The following UGT3A2 variants were observed in gnomAD, a reference collection of about 807,000 sequenced individuals.
The protein encoded by UGT3A2 is UDP-glycosyltransferase 3A2.
Under a neutral mutation model 39.8 loss-of-function variants are expected in UGT3A2, and 32 were observed. That is an observed-to-expected ratio of 0.80 (90% CI 0.61 to 1.08). UGT3A2 has a LOEUF of 1.08. UGT3A2 is among the 50% of genes least tolerant of loss of function. The pLI, the probability that UGT3A2 is intolerant of heterozygous loss-of-function variation, is 0.00. For synonymous variants in UGT3A2, 241 were observed against 230.7 expected (o/e 1.04, Z -0.40); for missense variants, 611 against 637.1 (o/e 0.96, Z 0.44).
intron 4 of UGT3A2, among the ~76,000 whole-genome samples, chr5:36,040,683 G>A (rs375000306): frequency 2.0e-5 from 3 of 152,218 alleles, no homozygotes; most frequent in Non-Finnish European, 2.9e-5. Context: ...CACCTCAGCA[G>A]TAGGAACCTC....
At chr5:36,058,383 G>A (rs1455687618) in intron 2 of UGT3A2, among the ~76,000 whole-genome samples, 1 of 152,202 alleles carries the variant, frequency 6.6e-6, no homozygotes, top group African/African-American at 2.4e-5. Flanking sequence ...ATGGGGCGTT[G>A]TTGGAGGCCA....
chr5:36,055,036 G>T (rs1469177790), intron 2 of UGT3A2, among the ~76,000 whole-genome samples: 1 of 151,962 alleles, frequency 6.6e-6, no homozygotes, highest in African/African-American at 2.4e-5. Flanking sequence ...GGTACCGGGA[G>T]GCTGAGGCAG....
At position 36,035,866 on chromosome 5, in the gene UGT3A2, C is replaced by G; in HGVS notation, c.1404G>C (p.Ala468=). The change falls in exon 7 of 7, where the codon GCG becomes GCC. Residue 468 remains alanine (A), a synonymous_variant. Coordinates refer to ENST00000282507, the MANE Select transcript of UGT3A2 (RefSeq NM_174914.4). ...GAAAGACATAGGGCTTGAGGTGCGT[C>G]GCGCCCCCTGTCTGGAGGACGTGGT... is the stretch of plus-strand genomic sequence containing the variant. The part of the protein sequence containing the change: ...WIDHVLQTGG[A]THLKPYVFQQ... 1 of 1,614,148 alleles carries G rather than the reference C, an allele frequency of 6.2e-7. No homozygotes were observed. The highest frequency in any genetic ancestry group is 8.5e-7 in the Non-Finnish European group (1 of 1,180,028).
Position 36,049,210 on chromosome 5 carries a change from T to A in UGT3A2, c.522A>T (p.Glu174Asp). Residue 174 changes from glutamate to aspartate, a missense_variant, in exon 4 of 7, where the codon GAA becomes GAT. Coordinates refer to ENST00000282507, the MANE Select transcript of UGT3A2 (RefSeq NM_174914.4). ...AAGACAAGGGGATTGGTAGCCCAAA[T>A]TCCAAAGAGCCGAATGAAGTGGAAA... is the stretch of plus-strand genomic sequence containing the variant. ...AILSTSFGSL[E>D]FGLPIPLSYV... The A allele has an allele frequency of 6.2e-7, 1 of 1,614,110 alleles. No individual in the cohort carries two copies. Among genetic ancestry groups the A allele is most frequent in the Non-Finnish European group, 8.5e-7 (1 of 1,180,014 alleles).
intron 3 of UGT3A2, among the ~76,000 whole-genome samples, chr5:36,050,870 A>AC (rs1468871566): frequency 4.6e-5 from 7 of 152,086 alleles, no homozygotes; most frequent in Non-Finnish European, 8.8e-5. Flanking sequence ...CTCAAAAAAA[A>AC]AAAAGCCAGT....
At chr5:36,060,788 A>T (rs929187734) in intron 2 of UGT3A2, among the ~76,000 whole-genome samples, 6 of 152,208 alleles carry the variant, frequency 3.9e-5, no homozygotes, top group African/African-American at 1.4e-4. Context: ...CCACTTCACG[A>T]TGATGAAAAA....
At chr5:36,064,145 A>C (rs766892840) in intron 2 of UGT3A2, 104 bp downstream of exon 2, 7 of 1,054,928 alleles carry the variant, frequency 6.6e-6, no homozygotes, top group Non-Finnish European at 9.6e-6. Context: ...CATCCTTCCA[A>C]TTGAATTAGA....
intron 2 of UGT3A2, among the ~76,000 whole-genome samples, chr5:36,053,791 G>A (rs1322775445): frequency 2.0e-5 from 3 of 152,314 alleles, no homozygotes; most frequent in Non-Finnish European, 4.4e-5. Context: ...TCTGGGGAAC[G>A]ATCCATTTTC....
chr5:36,051,396 T>C (rs930957659), intron 3 of UGT3A2, among the ~76,000 whole-genome samples: 11 of 152,142 alleles, frequency 7.2e-5, no homozygotes, highest in African/African-American at 2.4e-4. Flanking sequence ...ACAAACCCAA[T>C]GTTCATAAGC....
At chr5:36,038,878 G>C (rs1225583359) in intron 5 of UGT3A2, among the ~76,000 whole-genome samples, 1 of 152,202 alleles carries the variant, frequency 6.6e-6, no homozygotes, top group Non-Finnish European at 1.5e-5. Context: ...GGGTGAGGGA[G>C]CTCTCTGGTC....
intron 4 of UGT3A2, among the ~76,000 whole-genome samples, chr5:36,046,805 A>G (rs776257386): frequency 6.6e-6 from 1 of 152,214 alleles, no homozygotes; most frequent in Non-Finnish European, 1.5e-5. Context: ...GATGTGGTGG[A>G]TTAAAAAAAT....
At chr5:36,048,851 T>G in intron 4 of UGT3A2, 38 bp downstream of exon 4, 1 of 1,595,608 alleles carries the variant, frequency 6.3e-7, no homozygotes, top group Non-Finnish European at 8.5e-7. Flanking sequence ...TGAAGGCCTC[T>G]GCGTGAATCC....
chr5:36,059,361 CTT>C lies in UGT3A2; in HGVS notation c.196+4886_196+4887del, dbSNP rs35872759. Among the ~76,000 whole-genome samples the C allele has an allele frequency of 2.8e-3, 338 of 118,698 alleles. 1 individual carries two copies. Among genetic ancestry groups the C allele is most frequent in the East Asian group, 6.5e-3 (26 of 4,004 alleles). 77.9% of individuals were successfully genotyped at this position (118,698 alleles called of 152,430 possible). ...GGAAGAATTTGGTTATTTCTTTTCT[CTT>C]TTTTTTTTTTTTTTTTTGGAGTTTG... On this transcript the variant is annotated intron_variant, in intron 2 of 6. Transcript: ENST00000282507.
At chr5:36,056,148 G>T (rs932881041) in intron 2 of UGT3A2, among the ~76,000 whole-genome samples, 1 of 152,168 alleles carries the variant, frequency 6.6e-6, no homozygotes, top group African/African-American at 2.4e-5. Flanking sequence ...GGGTGGCCTT[G>T]GGCTGACCCT....
At chr5:36,039,768 C>A (rs1741949324) in intron 4 of UGT3A2, 60 bp from the exon 5 acceptor site, 7 of 1,452,404 alleles carry the variant, frequency 4.8e-6, no homozygotes, top group Middle Eastern at 1.7e-4. Flanking sequence ...CCTAGTTGAC[C>A]AGAAAATGAA....
Position 36,037,810 on chromosome 5 carries a change from T to C in UGT3A2, c.1282A>G (p.Met428Val). The C allele has an allele frequency of 6.2e-7, 1 of 1,614,250 alleles. No individual in the cohort carries two copies. The highest frequency in any genetic ancestry group is 8.5e-7 in the Non-Finnish European group (1 of 1,180,042). The change falls in exon 6 of 7, where the codon ATG becomes GTG. Residue 428 changes from methionine to valine, a missense_variant. Coordinates refer to ENST00000282507, the MANE Select transcript of UGT3A2 (RefSeq NM_174914.4). ...ETLALKMKQI[M>V]EDKRYKSAAV... ...GGAGCTGCATACCTCTTGTCTTCCA[T>C]GATTTGTTTCATCTTAAGAGCCAAT...
At chr5:36,038,684 T>C (rs1741909953) in intron 5 of UGT3A2, among the ~76,000 whole-genome samples, 1 of 152,238 alleles carries the variant, frequency 6.6e-6, no homozygotes, top group Non-Finnish European at 1.5e-5. Context: ...ATCAGACTCC[T>C]TGTCTCTTCT....
rs1320816924 is a variant in UGT3A2 at position 36,039,481 on chromosome 5, G to A, written c.1071C>T (p.Leu357=). Residue 357 remains leucine, a synonymous_variant, in exon 5 of 7, where the codon CTC becomes CTT. Transcript: ENST00000282507. ...KIVDWLPQSD[L]LAHPSIRLFV... ...GCAGTCCTGGGCAGCCCTTACCCAG[G>A]AGGTCACTCTGAGGAAGCCAGTCCA... 1 of 1,613,942 alleles carries A rather than the reference G, an allele frequency of 6.2e-7. No homozygotes were observed. Among genetic ancestry groups the A allele is most frequent in the Non-Finnish European group, 8.5e-7 (1 of 1,180,008 alleles).
At position 36,035,507 on chromosome 5, in the gene UGT3A2, G is replaced by A. The variant is rs779248981; in HGVS notation, c.*191C>T. On this transcript the variant is annotated 3_prime_UTR_variant, in exon 7 of 7. Transcript: ENST00000282507. ...TGGAAAGAATTCTGCTAGCAGGCAG[G>A]AGCTAGTAAGGATGAATTTGTAGCA... The A allele has an allele frequency of 6.4e-6, 5 of 778,744 alleles. No individual in the cohort carries two copies. Among genetic ancestry groups the A allele is most frequent in the Non-Finnish European group, 1.0e-5 (5 of 496,554 alleles). The allele number at this position is 778,744 out of a possible 1,614,324, so 48.2% of individuals were successfully genotyped here. A position where few individuals can be genotyped will look rare whatever the true frequency, so the allele number is the denominator to read the frequency against.
Sources: allele counts gnomAD v4.1 joint callset (sites outside exome capture counted in the v4.1 genomes callset), GRCh38; gene constraint gnomAD v4.1.1; transcripts MANE v1.5; gene names NCBI Gene and HGNC (gene_info 2026-07-23, HGNC 2026-07-21).